URB2: variants seen among roughly 807,000 people sequenced by gnomAD.
The protein encoded by URB2 is URB2 ribosome biogenesis homolog, also known as unhealthy ribosome biogenesis protein 2 homolog.
In URB2, 86 loss-of-function variants were observed where a neutral mutation model predicts 120.9. The observed-to-expected ratio is 0.71, with a 90% CI of 0.60 to 0.85. The LOEUF is 0.85. Ranked by LOEUF, URB2 falls within the 40% of genes least tolerant of loss-of-function variation. URB2 has a pLI of 0.00. For synonymous variants in URB2, 755 were observed against 758.4 expected, an observed-to-expected ratio of 1.00 and a Z score of 0.07; for missense variants, 1,765 against 1,836.5, an observed-to-expected ratio of 0.96 and a Z score of 0.71.
intron 5 of URB2, among the ~76,000 whole-genome samples, chr1:229,645,285 C>CAAA (rs372675806): frequency 7.9e-6 from 1 of 126,160 alleles, no homozygotes; most frequent in Non-Finnish European, 1.6e-5. Flanking sequence ...GACTCGGTCT[C>CAAA]GAAAAAAAAA....
Position 229,637,361 on chromosome 1 carries a change from T to G in URB2, c.2748T>G (p.His916Gln). 1 of 1,614,200 alleles carries G rather than the reference T, an allele frequency of 6.2e-7. No individual in the cohort carries two copies. Among genetic ancestry groups the G allele is most frequent in the South Asian group, 1.1e-5 (1 of 91,086 alleles). Reference protein sequence around the residue: ...LDSLLPPYHVHYFLVLLSMAV... With the variant: ...LDSLLPPYHVQYFLVLLSMAV... ...GCCTCTTGCCACCCTATCATGTGCATTATTTTCTTGTGTTACTGTCCATGG... is the reference window on the plus strand; with the variant it reads ...GCCTCTTGCCACCCTATCATGTGCAGTATTTTCTTGTGTTACTGTCCATGG... Residue 916 changes from histidine (H) to glutamine (Q), a missense_variant, in exon 4 of 10, where the codon CAT becomes CAG. Coordinates refer to ENST00000258243, the MANE Select transcript of URB2 (RefSeq NM_014777.4).
intron 6 of URB2, among the ~76,000 whole-genome samples, chr1:229,646,972 T>A (rs531638659): frequency 6.6e-6 from 1 of 152,354 alleles, no homozygotes; most frequent in African/African-American, 2.4e-5. Context: ...AGCATCCGTG[T>A]TGGTGGATGG....
intron 2 of URB2, 94 bp downstream of exon 2, chr1:229,627,853 T>C (rs943008658): frequency 1.4e-6 from 2 of 1,430,680 alleles, no homozygotes; most frequent in Admixed American, 2.6e-5. Flanking sequence ...AATAAAAAAA[T>C]AGAGAAAAAG....
At chr1:229,643,096 GTCTTCATCC>G (rs1666052480) in intron 4 of URB2, among the ~76,000 whole-genome samples, 1 of 152,212 alleles carries the variant, frequency 6.6e-6, no homozygotes, top group African/African-American at 2.4e-5. Flanking sequence ...TATCATCAAG[GTCTTCATCC>G]TCTTCATCCT....
In URB2 at chr1:229,637,338, C is replaced by G. The variant is rs772439778; in HGVS notation, c.2725C>G (p.Leu909Val). 15 of 1,614,078 alleles carry G rather than the reference C, an allele frequency of 9.3e-6. No homozygotes were observed. In the Admixed American group the frequency reaches 1.5e-4, roughly 16 times the overall value. ...EVISALQLDS[L>V]LPPYHVHYFL... ...GATTTCTGCCTTACAGCTGGACAGC[C>G]TCTTGCCACCCTATCATGTGCATTA... The change falls in exon 4 of 10, where the codon CTC becomes GTC. Residue 909 changes from leucine to valine, a missense_variant. Leu to Val is a conservative substitution (Grantham distance 32, BLOSUM62 1). Coordinates refer to ENST00000258243, the MANE Select transcript of URB2 (RefSeq NM_014777.4).
intron 3 of URB2, among the ~76,000 whole-genome samples, chr1:229,632,811 G>GTT (rs5781547): frequency 5.8e-4 from 59 of 101,790 alleles, no homozygotes; most frequent in African/African-American, 7.2e-4. Flanking sequence ...TTCCTCAAAG[G>GTT]TTTTTTTTTT....
chr1:229,653,019 A>G (rs1666318149), intron 8 of URB2, among the ~76,000 whole-genome samples: 1 of 152,250 alleles, frequency 6.6e-6, no homozygotes, highest in African/African-American at 2.4e-5. Flanking sequence ...TCTAATGAGC[A>G]TGCATTAAAT....
At position 229,635,225 on chromosome 1, in the gene URB2, G is replaced by C. The variant is rs3811472; in HGVS notation, c.612G>C (p.Pro204=). The change falls in exon 4 of 10, where the codon CCG becomes CCC. Residue 204 remains proline (P), a synonymous_variant. Coordinates refer to ENST00000258243, the MANE Select transcript of URB2 (RefSeq NM_014777.4). ...FGDVTAHLLQ[P]CLVLRHLLSG... ...ATGTGACTGCTCACCTGCTCCAGCC[G>C]TGCCTGGTCCTGAGGCACTTACTCT... 6.2e-7 allele frequency: 1 copy of C among 1,614,224 alleles called. No individual in the cohort carries two copies. The highest frequency in any genetic ancestry group is 1.7e-5 in the Admixed American group (1 of 60,036).
chr1:229,637,518 G>GA lies in URB2; in HGVS notation c.2906dup (p.Asp969GlufsTer4), dbSNP rs1665876898. The GA allele has an allele frequency of 1.2e-6, 2 of 1,614,090 alleles. No homozygotes were observed. Among genetic ancestry groups the GA allele is most frequent in the Non-Finnish European group, 8.5e-7 (1 of 1,180,048 alleles). On this transcript the variant is annotated frameshift_variant, in exon 4 of 10. Coordinates refer to ENST00000258243, the MANE Select transcript of URB2 (RefSeq NM_014777.4). LOFTEE classifies it high-confidence loss of function. ...TGTGTTCAAGATCATGTATGGTAGT[G>GA]ATATTTTTGAGGTTGTACTGACCTC...
chr1:229,627,575 C>T (rs754374819), intron 1 of URB2, 46 bp from the exon 2 acceptor site: 55 of 1,584,232 alleles, frequency 3.5e-5, no homozygotes, highest in Middle Eastern at 1.7e-4. Flanking sequence ...CCTGCTCAGT[C>T]TGACATTGTT....
chr1:229,638,349 A>G, intron 4 of URB2, 102 bp downstream of exon 4: 1 of 1,346,762 alleles, frequency 7.4e-7, no homozygotes. Context: ...TGTGTTCAAA[A>G]GGTACCACAT....
At chr1:229,632,840 G>A (rs964283164) in intron 3 of URB2, among the ~76,000 whole-genome samples, 6 of 145,256 alleles carry the variant, frequency 4.1e-5, no homozygotes, top group Non-Finnish European at 7.5e-5. Context: ...TTGCCACTAC[G>A]GCCTTCGAGC....
rs1284700878 is a variant in URB2 at position 229,636,269 on chromosome 1, C to T, written c.1656C>T (p.Asn552=). The T allele has an allele frequency of 1.2e-6, 2 of 1,614,094 alleles. No individual in the cohort carries two copies. The highest frequency in any genetic ancestry group is 1.7e-6 in the Non-Finnish European group (2 of 1,179,954). The change falls in exon 4 of 10, where the codon AAC becomes AAT. Residue 552 remains asparagine (N), a synonymous_variant. Transcript: ENST00000258243. ...LSLLLHCIMF[N]MRSLDSSTPL... The stretch of plus-strand genomic sequence containing the variant: ...TGCTGCTGCACTGCATCATGTTCAA[C>T]ATGAGGAGCCTGGACAGCAGCACGC...
intron 4 of URB2, among the ~76,000 whole-genome samples, chr1:229,642,872 A>G (rs1666045986): frequency 6.6e-6 from 1 of 152,248 alleles, no homozygotes; most frequent in Non-Finnish European, 1.5e-5. Flanking sequence ...TATTAAAAAA[A>G]TCTTGTATTA....
intron 2 of URB2, among the ~76,000 whole-genome samples, chr1:229,630,982 CAAAAAAAAAAAA>C (rs57940336): frequency 4.6e-5 from 3 of 65,108 alleles, no homozygotes; most frequent in East Asian, 9.5e-4. Flanking sequence ...AACTCCGTCT[CAAAAAAAAAAAA>C]AAAAAAAAAA....
At chr1:229,651,408 C>A (rs1571882188) in intron 8 of URB2, 86 bp downstream of exon 8, 2 of 1,132,160 alleles carry the variant, frequency 1.8e-6, no homozygotes, top group Non-Finnish European at 2.4e-6. Context: ...GAAAATAAAA[C>A]TACTCACTTG....
At chr1:229,633,850 T>G (rs1665728025) in intron 3 of URB2, among the ~76,000 whole-genome samples, 1 of 152,170 alleles carries the variant, frequency 6.6e-6, no homozygotes, top group African/African-American at 2.4e-5. Context: ...TAAAAAATTT[T>G]TTTGAGATAG....
chr1:229,647,681 C>T lies in URB2; in HGVS notation c.4078C>T (p.Pro1360Ser). The change falls in exon 7 of 10, where the codon CCG becomes TCG. Residue 1360 changes from proline to serine, a missense_variant. Coordinates refer to ENST00000258243, the MANE Select transcript of URB2 (RefSeq NM_014777.4). Reference protein sequence around the residue: ...LLTVPLDHLKPLEYGSVFPRL... With the variant: ...LLTVPLDHLKSLEYGSVFPRL... ...CACTGTCCCTTTGGACCATCTGAAG[C>T]CGCTGGAGTATGGAAGCGTCTTCCC... is the stretch of plus-strand genomic sequence containing the variant. The T allele has an allele frequency of 6.2e-7, 1 of 1,614,100 alleles. No individual in the cohort carries two copies. The highest frequency in any genetic ancestry group is 1.1e-5 in the South Asian group (1 of 91,074).
At chr1:229,631,450 G>A (rs539620175) in intron 2 of URB2, among the ~76,000 whole-genome samples, 2 of 152,320 alleles carry the variant, frequency 1.3e-5, no homozygotes, top group East Asian at 3.9e-4. Context: ...AAGAGGCTTG[G>A]TTTTGGTCTA....
Sources: allele counts gnomAD v4.1 joint callset (sites outside exome capture counted in the v4.1 genomes callset), GRCh38; gene constraint gnomAD v4.1.1; transcripts MANE v1.5; gene names NCBI Gene and HGNC (gene_info 2026-07-23, HGNC 2026-07-21).